CCDC171: variants seen among roughly 807,000 people sequenced by gnomAD.
CCDC171 encodes the protein coiled-coil domain containing 171.
CCDC171 carries 177 observed loss-of-function variants against 168.2 expected under a neutral mutation model. The ratio of observed to expected loss-of-function variants is 1.05; its 90% CI spans 0.93 to 1.19. CCDC171 has a LOEUF of 1.19. Ranked by LOEUF, CCDC171 falls within the 50% of genes most tolerant of loss-of-function variation. The pLI, the probability that CCDC171 is intolerant of heterozygous loss-of-function variation, is 0.00. For synonymous variants in CCDC171, 687 were observed against 540.8 expected, an observed-to-expected ratio of 1.27 and a Z score of -3.75; for missense variants, 1,991 against 1,539.0, an observed-to-expected ratio of 1.29 and a Z score of -4.91.
At chr9:15,813,024 G>C (rs187534801) in intron 21 of CCDC171, among the ~76,000 whole-genome samples, 2 of 152,304 alleles carry the variant, frequency 1.3e-5, no homozygotes, top group African/African-American at 4.8e-5. Context: ...TTTGGGGAGA[G>C]AGTGTGCAAA....
chr9:15,570,328 A>C (rs539278583), intron 2 of CCDC171, among the ~76,000 whole-genome samples: 4 of 151,704 alleles, frequency 2.6e-5, no homozygotes, highest in Non-Finnish European at 5.9e-5. Context: ...TTCCTATTGC[A>C]GTCATGGATG....
At chr9:16,045,302 T>C (rs1833643777) in intron 1 of CCDC171, among the ~76,000 whole-genome samples, 1 of 152,108 alleles carries the variant, frequency 6.6e-6, no homozygotes, top group African/African-American at 2.4e-5. Context: ...CTCGTCAAGG[T>C]GGTGGCCACT....
chr9:15,873,831 C>G (rs180814562), intron 23 of CCDC171, among the ~76,000 whole-genome samples: 6 of 152,016 alleles, frequency 3.9e-5, no homozygotes, highest in African/African-American at 1.4e-4. Flanking sequence ...TTTCCCATAT[C>G]GGTGATGTGT....
chr9:16,046,911 A>G (rs1479790938), intron 1 of CCDC171, among the ~76,000 whole-genome samples: 1 of 152,172 alleles, frequency 6.6e-6, no homozygotes, highest in African/African-American at 2.4e-5. Context: ...CCTTCTGGAA[A>G]TAACCTTCAG....
chr9:15,650,786 G>A (rs1229559879), intron 7 of CCDC171, among the ~76,000 whole-genome samples: 7 of 151,656 alleles, frequency 4.6e-5, no homozygotes, highest in Non-Finnish European at 1.0e-4. Flanking sequence ...TTTTTTATGT[G>A]CATAGAATGA....
At chr9:15,612,773 G>T (rs1204974241) in intron 6 of CCDC171, among the ~76,000 whole-genome samples, 3 of 152,048 alleles carry the variant, frequency 2.0e-5, no homozygotes, top group Non-Finnish European at 4.4e-5. Flanking sequence ...GCAATTTCCT[G>T]ATACTTTGGT....
intron 1 of CCDC171, among the ~76,000 whole-genome samples, chr9:16,045,073 TC>T (rs1586857134): frequency 6.6e-6 from 1 of 152,338 alleles, no homozygotes; most frequent in East Asian, 1.9e-4. Flanking sequence ...GCATATTTTT[TC>T]CTTGTGGTGG....
chr9:16,065,288 G>C (rs1023365248), downstream of CCDC171, among the ~76,000 whole-genome samples: 1 of 152,100 alleles, frequency 6.6e-6, no homozygotes, highest in Non-Finnish European at 1.5e-5. Context: ...TGCCTGCCCA[G>C]AGAGCTGGCT....
Position 15,563,433 on chromosome 9 carries a change from C to T in CCDC171, c.-111-545C>T, listed in dbSNP as rs116224498. Among the ~76,000 whole-genome samples the T allele has an allele frequency of 1.5e-3, 228 of 152,184 alleles. 2 individuals carry two copies. The highest frequency in any genetic ancestry group is 5.0e-3 in the African/African-American group (207 of 41,536). On this transcript the variant is annotated intron_variant, in intron 1 of 25. Transcript: ENST00000380701. ...GATTACAGTCGTGAGCCACCGCACC[C>T]GGCTCAAGTTACTTTTAATCTCAGT... is the stretch of plus-strand genomic sequence containing the variant.
intron 16 of CCDC171, among the ~76,000 whole-genome samples, chr9:15,735,256 G>A (rs76629789): frequency 0.015 from 2,224 of 152,214 alleles, 65 homozygotes; most frequent in African/African-American, 0.05. Context: ...ATTTAAATAC[G>A]TTGAGCCATC....
chr9:15,975,091 T>G (rs1256406595), downstream of CCDC171, among the ~76,000 whole-genome samples: 1 of 152,150 alleles, frequency 6.6e-6, no homozygotes, highest in Non-Finnish European at 1.5e-5. Context: ...ATAGACAAGT[T>G]TTCTAATATA....
At chr9:15,990,341 G>T (rs1832146230) in intron 3 of CCDC171, among the ~76,000 whole-genome samples, 1 of 152,110 alleles carries the variant, frequency 6.6e-6, no homozygotes, top group South Asian at 2.1e-4. Flanking sequence ...CATAAGCGAA[G>T]GAGAAATAAA....
intron 6 of CCDC171, among the ~76,000 whole-genome samples, chr9:15,606,780 G>A (rs143623079): frequency 4.5e-4 from 68 of 152,242 alleles, no homozygotes; most frequent in Middle Eastern, 3.4e-3. Context: ...GTAGTTTCCT[G>A]TGATATTAAA....
At position 15,848,865 on chromosome 9, in the gene CCDC171, C is replaced by T. The variant is rs372211757; in HGVS notation, c.3414-28C>T. ...CAGTTGTAGTAAGGTTTGAGTTTTA[C>T]TAACACTTAATCTTTTATTTTTTCT... On this transcript the variant is annotated intron_variant, in intron 22 of 25. Coordinates refer to ENST00000380701, the MANE Select transcript of CCDC171 (RefSeq NM_173550.4). The T allele has an allele frequency of 5.7e-6, 8 of 1,404,636 alleles. No homozygotes were observed. The African/African-American group carries it at 1.0e-4, about 18-fold the overall frequency. 87.0% of individuals were successfully genotyped at this position (1,404,636 alleles called of 1,614,324 possible). A position where few individuals can be genotyped will look rare whatever the true frequency, so the allele number is the denominator to read the frequency against.
chr9:15,827,033 G>C, intron 21 of CCDC171, among the ~76,000 whole-genome samples: 1 of 152,182 alleles, frequency 6.6e-6, no homozygotes, highest in African/African-American at 2.4e-5. Flanking sequence ...TTGGTGGCTG[G>C]TTGGCTTTCC....
intron 25 of CCDC171, among the ~76,000 whole-genome samples, chr9:15,951,442 A>G (rs557052497): frequency 3.3e-5 from 5 of 152,126 alleles, no homozygotes; most frequent in Non-Finnish European, 5.9e-5. Flanking sequence ...TTACATTTCC[A>G]CCAACAGAGC....
At chr9:15,766,779 C>G (rs1362845273) in intron 18 of CCDC171, among the ~76,000 whole-genome samples, 1 of 152,150 alleles carries the variant, frequency 6.6e-6, no homozygotes, top group Admixed American at 6.5e-5. Context: ...CCTGAGCCTC[C>G]TGAGTATCTA....
At chr9:15,779,491 C>T (rs1333864846) in intron 20 of CCDC171, among the ~76,000 whole-genome samples, 1 of 152,096 alleles carries the variant, frequency 6.6e-6, no homozygotes, top group African/African-American at 2.4e-5. Context: ...TCCCAAGCAG[C>T]TGGGATTACA....
At chr9:15,750,782 A>C (rs2055678174) in intron 18 of CCDC171, among the ~76,000 whole-genome samples, 1 of 152,216 alleles carries the variant, frequency 6.6e-6, no homozygotes. Flanking sequence ...CGTATCTCAT[A>C]ATAATAAGAG....
Sources: allele counts gnomAD v4.1 joint callset (sites outside exome capture counted in the v4.1 genomes callset), GRCh38; gene constraint gnomAD v4.1.1; transcripts MANE v1.5; gene names NCBI Gene and HGNC (gene_info 2026-07-23, HGNC 2026-07-21).